STK33: variants seen among roughly 807,000 people sequenced by gnomAD.
STK33 encodes serine/threonine kinase 33, also known as serine/threonine-protein kinase 33.
STK33 carries 52 observed loss-of-function variants against 58.0 expected under a neutral mutation model. The observed-to-expected ratio is 0.90, with a 90% CI of 0.72 to 1.13. STK33 has a LOEUF of 1.13. Among genes scored for constraint, STK33 ranks in the 50% most tolerant of loss-of-function variants. The pLI is 0.00. For synonymous variants in STK33, 215 were observed against 200.1 expected (o/e 1.07, Z -0.63); for missense variants, 630 against 604.2 (o/e 1.04, Z -0.45).
chr11:8,497,681 C>T (rs987428640), intron 1 of STK33, among the ~76,000 whole-genome samples: 1 of 152,072 alleles, frequency 6.6e-6, no homozygotes, highest in Non-Finnish European at 1.5e-5. Context: ...AGGCTGGTCT[C>T]GAACTCCTGG....
intron 1 of STK33, among the ~76,000 whole-genome samples, chr11:8,509,391 T>G (rs1187732292): frequency 6.6e-6 from 1 of 152,186 alleles, no homozygotes; most frequent in Non-Finnish European, 1.5e-5. Context: ...ACTTGGGCCA[T>G]GAAAATACAC....
At chr11:8,353,471 G>A in the STK33 span, among the ~76,000 whole-genome samples, 1 of 152,168 alleles carries the variant, frequency 6.6e-6, no homozygotes, top group Non-Finnish European at 1.5e-5. Context: ...CATCCACACA[G>A]CTCCGTTTCT....
chr11:8,576,269 G>C (rs545081254), intron 1 of STK33, among the ~76,000 whole-genome samples: 82 of 152,270 alleles, frequency 5.4e-4, no homozygotes, highest in Non-Finnish European at 1.1e-3. Context: ...ACTTTGCATG[G>C]ACAAGAAAGA....
the STK33 span, among the ~76,000 whole-genome samples, chr11:8,347,583 T>C: frequency 6.6e-6 from 1 of 152,138 alleles, no homozygotes; most frequent in East Asian, 1.9e-4. Flanking sequence ...ACGAGCGCTA[T>C]GGAGGGTTTC....
chr11:8,442,055 A>G (rs1348668649), intron 11 of STK33, among the ~76,000 whole-genome samples: 1 of 151,636 alleles, frequency 6.6e-6, no homozygotes, highest in Admixed American at 6.6e-5. Context: ...ACACACACAC[A>G]CACACACACA....
the STK33 span, among the ~76,000 whole-genome samples, chr11:8,381,011 G>A: frequency 6.6e-6 from 1 of 152,132 alleles, no homozygotes; most frequent in East Asian, 1.9e-4. Flanking sequence ...AAGGAACTCA[G>A]GAATGGAAAA....
the STK33 span, among the ~76,000 whole-genome samples, chr11:8,357,331 G>A: frequency 1.3e-5 from 2 of 152,256 alleles, no homozygotes; most frequent in South Asian, 4.1e-4. Flanking sequence ...CCAGCAGCCC[G>A]CGGAGCCAGG....
the STK33 span, among the ~76,000 whole-genome samples, chr11:8,355,692 C>T: frequency 2.6e-3 from 396 of 152,360 alleles, 1 homozygote; most frequent in African/African-American, 8.5e-3. Context: ...TACCAACAGG[C>T]CACTAAGCTT....
At chr11:8,418,956 G>A (rs191566243) in intron 14 of STK33, among the ~76,000 whole-genome samples, 57 of 151,416 alleles carry the variant, frequency 3.8e-4, no homozygotes, top group African/African-American at 1.1e-3. Flanking sequence ...TTTTTTTCTC[G>A]TGAATTTAAT....
At chr11:8,585,124 T>C (rs1438231668) in intron 1 of STK33, among the ~76,000 whole-genome samples, 1 of 151,906 alleles carries the variant, frequency 6.6e-6, no homozygotes, top group East Asian at 1.9e-4. Flanking sequence ...GGTTTCACCA[T>C]GTTGGCCAGG....
rs141790679 is a variant in STK33 at position 8,574,120 on chromosome 11, C to T, written c.-466+19963G>A. ...TCCCTCCCTCCCTATCCCCACTCAC[C>T]CCAGAGGAAGTGGACACTTAGAGAT... On this transcript the variant is annotated intron_variant, in intron 1 of 15. Coordinates refer to ENST00000687296, the MANE Select transcript of STK33 (RefSeq NM_001352389.2). 3.2e-3 allele frequency among the ~76,000 whole-genome samples: 482 copies of T among 152,268 alleles called. 1 individual carries two copies. The highest frequency in any genetic ancestry group is 0.011 in the African/African-American group (459 of 41,542).
At chr11:8,593,091 G>A (rs10840086) in intron 1 of STK33, among the ~76,000 whole-genome samples, 8,640 of 152,232 alleles carry the variant, frequency 0.057, 449 homozygotes, top group African/African-American at 0.14. Context: ...TCAAGGATGA[G>A]GCCAAGATTT....
intron 1 of STK33, among the ~76,000 whole-genome samples, chr11:8,510,677 T>C (rs1952243822): frequency 6.6e-6 from 1 of 152,206 alleles, no homozygotes; most frequent in African/African-American, 2.4e-5. Context: ...TTGATTTTTG[T>C]ATAAGGTGAG....
At chr11:8,455,534 C>T (rs1355984744) in intron 9 of STK33, among the ~76,000 whole-genome samples, 1 of 152,088 alleles carries the variant, frequency 6.6e-6, no homozygotes, top group Non-Finnish European at 1.5e-5. Context: ...CACGGCCAGG[C>T]GCAGTGGCTT....
intron 15 of STK33, among the ~76,000 whole-genome samples, chr11:8,394,729 G>A (rs1457669890): frequency 6.6e-6 from 1 of 152,256 alleles, no homozygotes; most frequent in African/African-American, 2.4e-5. Context: ...AATATCTTGA[G>A]ATCATTATTA....
At chr11:8,484,761 T>A (rs1386404851) in intron 1 of STK33, among the ~76,000 whole-genome samples, 1 of 152,212 alleles carries the variant, frequency 6.6e-6, no homozygotes, top group Non-Finnish European at 1.5e-5. Context: ...GGCATCTGTA[T>A]CCACAGATTT....
At chr11:8,450,104 C>T (rs149329292) in intron 11 of STK33, among the ~76,000 whole-genome samples, 1 of 152,234 alleles carries the variant, frequency 6.6e-6, no homozygotes, top group African/African-American at 2.4e-5. Flanking sequence ...GACACATGCA[C>T]ACTTATGTTT....
chr11:8,387,001 C>T (rs138849642), downstream of STK33, among the ~76,000 whole-genome samples: 4 of 152,304 alleles, frequency 2.6e-5, no homozygotes, highest in African/African-American at 4.8e-5. Flanking sequence ...TTTCTCTCTT[C>T]GGTTAAAAAC....
intron 1 of STK33, among the ~76,000 whole-genome samples, chr11:8,487,462 A>T (rs1950272182): frequency 6.6e-6 from 1 of 150,800 alleles, no homozygotes; most frequent in South Asian, 2.1e-4. Context: ...AGAGAAAGAG[A>T]GTTACTTCAT....
Sources: gnomAD v4.1 joint callset for allele counts (sites outside exome capture counted in the v4.1 genomes callset) on GRCh38, gnomAD v4.1.1 for gene constraint, MANE v1.5 for transcripts, NCBI Gene and HGNC (gene_info 2026-07-23, HGNC 2026-07-21) for gene names.